AGTPBP1: variants seen among roughly 807,000 people sequenced by gnomAD.
AGTPBP1 encodes the protein ATP/GTP binding carboxypeptidase 1, also known as cytosolic carboxypeptidase 1.
A neutral mutation model predicts 143.9 loss-of-function variants in AGTPBP1; 70 were observed. The ratio of observed to expected loss-of-function variants is 0.49; its 90% CI spans 0.40 to 0.59. The LOEUF (loss-of-function observed/expected upper bound fraction) is 0.59. AGTPBP1 is among the 20% of genes least tolerant of loss of function. The probability of loss-of-function intolerance (pLI) is 0.00; values close to 1 mark genes in which losing one functional copy is unlikely to be tolerated. For missense variants in AGTPBP1, 1,229 were observed against 1,464.5 expected, an observed-to-expected ratio of 0.84 and a Z score of 2.62; for synonymous variants, 463 against 500.2, an observed-to-expected ratio of 0.93 and a Z score of 0.99.
rs192497305 is a variant in AGTPBP1, at chr9:85,731,322, A to G, written c.-34+10453T>C. Among the ~76,000 whole-genome samples, 356 of 152,356 alleles carry G rather than the reference A, an allele frequency of 2.3e-3. 4 individuals carry two copies. Among genetic ancestry groups the G allele is most frequent in the Admixed American group, 3.8e-3 (58 of 15,302 alleles). On this transcript the variant is annotated intron_variant, in intron 1 of 25. Coordinates refer to ENST00000357081, the MANE Select transcript of AGTPBP1 (RefSeq NM_001330701.2). ...CTAAACTTTAAAAAGACAGATAATA[A>G]CAAGTGTTAGCAAGGATGTGGGAAA... is the stretch of plus-strand genomic sequence containing the variant.
chr9:85,671,078 A>G (rs908381291), intron 7 of AGTPBP1, among the ~76,000 whole-genome samples: 1 of 151,014 alleles, frequency 6.6e-6, no homozygotes, highest in African/African-American at 2.4e-5. Flanking sequence ...AGTAGCTGAG[A>G]CTGCAGGCAC....
At chr9:85,689,225 T>C (rs1835685341) in intron 3 of AGTPBP1, among the ~76,000 whole-genome samples, 1 of 152,188 alleles carries the variant, frequency 6.6e-6, no homozygotes, top group Admixed American at 6.5e-5. Context: ...GCTGTTCGTG[T>C]GCTAAAGGGC....
In AGTPBP1 at chr9:85,547,951, G is replaced by A. The variant is rs541720378; in HGVS notation, c.3504-665C>T. ...TGAGACAACTTTTCTACTAGGTTCT[G>A]TAATGTATTCTTTCCTAGAAAAATA... On this transcript the variant is annotated intron_variant, in intron 25 of 25. Transcript: ENST00000357081. Among the ~76,000 whole-genome samples, 142 of 152,266 alleles carry A rather than the reference G, an allele frequency of 9.3e-4. 1 individual carries two copies. Among genetic ancestry groups the A allele is most frequent in the Non-Finnish European group, 1.5e-3 (100 of 68,014 alleles).
At chr9:85,803,817 T>C in the AGTPBP1 span, among the ~76,000 whole-genome samples, 1 of 152,244 alleles carries the variant, frequency 6.6e-6, no homozygotes, top group East Asian at 1.9e-4. Context: ...AAATCTAAAC[T>C]GATCTTCTCT....
At chr9:85,557,484 A>G (rs1203140758) in intron 25 of AGTPBP1, among the ~76,000 whole-genome samples, 2 of 152,190 alleles carry the variant, frequency 1.3e-5, no homozygotes, top group Non-Finnish European at 2.9e-5. Flanking sequence ...GCCCAGAAAA[A>G]TCTCAGTAGT....
At chr9:85,626,358 GA>G (rs1223992011) in intron 14 of AGTPBP1, among the ~76,000 whole-genome samples, 7 of 152,146 alleles carry the variant, frequency 4.6e-5, no homozygotes, top group Admixed American at 6.5e-5. Flanking sequence ...TATTTTCACT[GA>G]AATCATGTAA....
At chr9:85,634,936 T>C (rs1404640045) in intron 13 of AGTPBP1, among the ~76,000 whole-genome samples, 1 of 152,152 alleles carries the variant, frequency 6.6e-6, no homozygotes, top group African/African-American at 2.4e-5. Flanking sequence ...TTTGCCAACA[T>C]TCGATACTAT....
chr9:85,612,784 C>A (rs1175070027), intron 17 of AGTPBP1, among the ~76,000 whole-genome samples: 1 of 151,922 alleles, frequency 6.6e-6, no homozygotes, highest in Non-Finnish European at 1.5e-5. Context: ...CAGTTGGTGT[C>A]TGGAGAGTAG....
At chr9:85,617,832 C>T (rs1395365642) in intron 17 of AGTPBP1, among the ~76,000 whole-genome samples, 2 of 152,136 alleles carry the variant, frequency 1.3e-5, no homozygotes, top group African/African-American at 4.8e-5. Flanking sequence ...ACAAACAACC[C>T]TGCACATACA....
At chr9:85,566,028 A>G (rs1432361133) in intron 25 of AGTPBP1, among the ~76,000 whole-genome samples, 2 of 152,176 alleles carry the variant, frequency 1.3e-5, no homozygotes, top group Non-Finnish European at 2.9e-5. Context: ...ATTCAATTGA[A>G]TTTTTAAATC....
At chr9:85,654,104 T>C (rs140665410) in intron 11 of AGTPBP1, among the ~76,000 whole-genome samples, 2,497 of 152,298 alleles carry the variant, frequency 0.016, 25 homozygotes, top group Middle Eastern at 0.054. Flanking sequence ...ACTAATATAA[T>C]TCCTTGAAAA....
In AGTPBP1 at chr9:85,741,933, G is replaced by A. The variant is rs1226478878; in HGVS notation, c.-192C>T. ...CGGCGGCGGCGGCAGCTGCGGCGGC[G>A]GCGCTGGAGGCGGCGGAACCTGTCC... On this transcript the variant is annotated 5_prime_UTR_variant, in exon 1 of 26. Transcript: ENST00000357081. The A allele has an allele frequency of 1.5e-6, 2 of 1,309,636 alleles. No individual in the cohort carries two copies. Among genetic ancestry groups the A allele is most frequent in the Non-Finnish European group, 1.9e-6 (2 of 1,033,762 alleles). 81.1% of individuals were successfully genotyped at this position (1,309,636 alleles called of 1,614,324 possible). A position where few individuals can be genotyped will look rare whatever the true frequency, so the allele number is the denominator to read the frequency against.
At chr9:85,653,396 G>A (rs1291224609) in intron 11 of AGTPBP1, among the ~76,000 whole-genome samples, 5 of 152,304 alleles carry the variant, frequency 3.3e-5, no homozygotes, top group African/African-American at 1.2e-4. Context: ...TGAGAAGCAG[G>A]CATCAAAGGA....
At chr9:85,580,143 A>G (rs1828159378) in intron 23 of AGTPBP1, among the ~76,000 whole-genome samples, 1 of 151,554 alleles carries the variant, frequency 6.6e-6, no homozygotes, top group Non-Finnish European at 1.5e-5. Context: ...GCGGCTAAGG[A>G]AGGAGAATCG....
the AGTPBP1 span, among the ~76,000 whole-genome samples, chr9:85,781,843 T>G: frequency 6.6e-6 from 1 of 152,146 alleles, no homozygotes; most frequent in Non-Finnish European, 1.5e-5. Flanking sequence ...TAATCATATG[T>G]AGATATGTAG....
At chr9:85,554,235 T>C (rs1471349461) in intron 25 of AGTPBP1, 4 of 152,202 alleles carry the variant, frequency 2.6e-5, no homozygotes, top group African/African-American at 4.8e-5. Context: ...TTTCAAAGGA[T>C]TGGAGGCAAA....
intron 19 of AGTPBP1, among the ~76,000 whole-genome samples, chr9:85,591,265 A>G (rs1172322264): frequency 1.3e-5 from 2 of 151,902 alleles, no homozygotes; most frequent in Admixed American, 1.3e-4. Context: ...AGGGCAAGGG[A>G]AATCACTAAA....
At chr9:85,753,494 C>G in the AGTPBP1 span, 2 of 1,573,730 alleles carry the variant, frequency 1.3e-6, no homozygotes, top group African/African-American at 1.4e-5. Flanking sequence ...AAACTCACAC[C>G]TGTAATCCTA....
Position 85,660,954 on chromosome 9 carries a change from C to A in AGTPBP1, c.682G>T (p.Ala228Ser). 1 of 1,594,276 alleles carries A rather than the reference C, an allele frequency of 6.3e-7. No homozygotes were observed. Among genetic ancestry groups the A allele is most frequent in the East Asian group, 2.3e-5 (1 of 44,042 alleles). The part of the protein sequence containing the change: ...SLIKVALDTL[A>S]ALLKSKTNAR... ...AACTTACTTGATTTTAGCAATGCAGCAAGAGTGTCTAAAGCAACCCTGTCA... is the reference window on the plus strand; with the variant it reads ...AACTTACTTGATTTTAGCAATGCAGAAAGAGTGTCTAAAGCAACCCTGTCA... The change falls in exon 9 of 26, where the codon GCT (alanine) becomes TCT (serine). Residue 228 changes from alanine to serine, a missense_variant. Ala to Ser is a moderately conservative substitution (Grantham distance 99). Transcript: ENST00000357081.
Sources: gnomAD v4.1 joint callset for allele counts (sites outside exome capture counted in the v4.1 genomes callset) on GRCh38, gnomAD v4.1.1 for gene constraint, MANE v1.5 for transcripts, NCBI Gene and HGNC (gene_info 2026-07-23, HGNC 2026-07-21) for gene names.